STARD13: variants seen among roughly 807,000 people sequenced by gnomAD.
STARD13 encodes StAR related lipid transfer domain containing 13.
STARD13 carries 62 observed loss-of-function variants against 106.4 expected under a neutral mutation model. The ratio of observed to expected loss-of-function variants is 0.58; its 90% CI spans 0.48 to 0.72. The LOEUF (loss-of-function observed/expected upper bound fraction) is 0.72, where lower values mean the gene tolerates loss of function less well. Ranked by LOEUF, STARD13 falls within the 30% of genes least tolerant of loss-of-function variation. The pLI is 0.00. For missense variants in STARD13, 1,387 were observed against 1,424.0 expected (o/e 0.97, Z 0.42); for synonymous variants, 565 against 553.0 (o/e 1.02, Z -0.31).
chr13:33,222,720 T>C (rs1888423730), intron 1 of STARD13, among the ~76,000 whole-genome samples: 2 of 152,196 alleles, frequency 1.3e-5, no homozygotes, highest in African/African-American at 4.8e-5. Flanking sequence ...GAAGAAGAAA[T>C]AAGATAGCTA....
At chr13:33,350,298 C>G in exon 1 of STARD13, 2 of 1,531,528 alleles carry the variant, frequency 1.3e-6, no homozygotes, top group Non-Finnish European at 1.7e-6. Flanking sequence ...ACCTGCCAGC[C>G]GCCTCTCCCG....
chr13:33,298,866 A>G (rs1252469990), intron 1 of STARD13, among the ~76,000 whole-genome samples: 1 of 152,074 alleles, frequency 6.6e-6, no homozygotes, highest in East Asian at 1.9e-4. Context: ...GACGTAGGAA[A>G]CTCTCTTTAT....
At chr13:33,348,788 A>G (rs1261845241) in exon 2 of STARD13, 2 of 253,486 alleles carry the variant, frequency 7.9e-6, no homozygotes, top group Admixed American at 9.0e-5. Flanking sequence ...GGTTACCACA[A>G]TTTATTTCTG....
chr13:33,390,028 T>A, the STARD13 span, among the ~76,000 whole-genome samples: 1 of 152,086 alleles, frequency 6.6e-6, no homozygotes, highest in Non-Finnish European at 1.5e-5. Flanking sequence ...AATAGAGATA[T>A]GGAGGCCATT....
chr13:33,642,399 G>A, the STARD13 span, among the ~76,000 whole-genome samples: 1 of 152,328 alleles, frequency 6.6e-6, no homozygotes, highest in Non-Finnish European at 1.5e-5. Flanking sequence ...AAGTTGGTGG[G>A]CCTGGAGCAA....
the STARD13 span, among the ~76,000 whole-genome samples, chr13:33,447,003 T>G: frequency 6.6e-6 from 1 of 152,204 alleles, no homozygotes; most frequent in Non-Finnish European, 1.5e-5. Flanking sequence ...TGTGTATATT[T>G]TATACAGGAT....
the STARD13 span, among the ~76,000 whole-genome samples, chr13:33,659,522 G>A: frequency 3.3e-5 from 5 of 152,142 alleles, no homozygotes; most frequent in Non-Finnish European, 5.9e-5. Flanking sequence ...CCAACCTGTG[G>A]CTTTTGATTG....
upstream of STARD13, among the ~76,000 whole-genome samples, chr13:33,287,186 A>G (rs1263199394): frequency 1.3e-5 from 2 of 152,234 alleles, no homozygotes; most frequent in South Asian, 2.1e-4. Context: ...AAAGTTTAAC[A>G]GGATTTAAAT....
intron 8 of STARD13, among the ~76,000 whole-genome samples, chr13:33,116,896 A>G (rs1875450623): frequency 6.6e-6 from 1 of 152,190 alleles, no homozygotes; most frequent in Non-Finnish European, 1.5e-5. Flanking sequence ...TGGACTCCTT[A>G]AACACATTTT....
chr13:33,407,877 A>C, the STARD13 span, among the ~76,000 whole-genome samples: 4 of 152,226 alleles, frequency 2.6e-5, no homozygotes, highest in African/African-American at 4.8e-5. Context: ...ATGCCCCTTC[A>C]TGTTACCCCT....
At chr13:33,167,015 C>CAAAAAAAAAAAAAAAAAAAAAAA (rs1010175989) in intron 2 of STARD13, among the ~76,000 whole-genome samples, 1 of 139,248 alleles carries the variant, frequency 7.2e-6, no homozygotes, top group African/African-American at 2.8e-5. Context: ...AAAAAAAAAC[C>CAAAAAAAAAAAAAAAAAAAAAAA]AAAAAAAAAT....
At chr13:33,208,918 G>A (rs1887563805) in intron 1 of STARD13, among the ~76,000 whole-genome samples, 1 of 152,148 alleles carries the variant, frequency 6.6e-6, no homozygotes, top group Non-Finnish European at 1.5e-5. Flanking sequence ...CACCAATAGA[G>A]AACTTACAAA....
the STARD13 span, among the ~76,000 whole-genome samples, chr13:33,636,027 A>G: frequency 6.6e-6 from 1 of 151,696 alleles, no homozygotes; most frequent in Non-Finnish European, 1.5e-5. Flanking sequence ...CCGTAATCCC[A>G]GCTACTCGGG....
At chr13:33,412,218 A>G in the STARD13 span, among the ~76,000 whole-genome samples, 1 of 152,336 alleles carries the variant, frequency 6.6e-6, no homozygotes. Context: ...AAAGGGAAGT[A>G]CAGGAAGATA....
At chr13:33,542,587 G>A in the STARD13 span, among the ~76,000 whole-genome samples, 2 of 152,194 alleles carry the variant, frequency 1.3e-5, no homozygotes, top group Non-Finnish European at 2.9e-5. Flanking sequence ...AAGACGAGGC[G>A]CGCGCACCAG....
intron 1 of STARD13, among the ~76,000 whole-genome samples, chr13:33,249,772 T>G (rs1440706339): frequency 6.6e-6 from 1 of 152,060 alleles, no homozygotes; most frequent in Non-Finnish European, 1.5e-5. Context: ...ATACACCAAT[T>G]ATCTGTTATT....
rs35827468 is a variant in STARD13 at position 33,331,526 on chromosome 13, A to ATTTTTTTTT, written c.124+18755_124+18763dup. On this transcript the variant is annotated intron_variant, in intron 1 of 5. Transcript: ENST00000567873. Reference sequence around the variant, plus strand: ...CGCCACCATGCCTGGCTGATTTTGTATTTTTTTTTTTTTTTTTTTAGTAGA... The same window carrying ATTTTTTTTT: ...CGCCACCATGCCTGGCTGATTTTGTATTTTTTTTTTTTTTTTTTTTTTTTTTTTAGTAGA... Among the ~76,000 whole-genome samples, 6 of 130,824 alleles carry ATTTTTTTTT rather than the reference A, an allele frequency of 4.6e-5. 1 individual carries two copies. Among genetic ancestry groups the ATTTTTTTTT allele is most frequent in the African/African-American group, 8.5e-5 (3 of 35,406 alleles). 85.8% of individuals were successfully genotyped at this position (130,824 alleles called of 152,430 possible).
the STARD13 span, among the ~76,000 whole-genome samples, chr13:33,673,097 C>T: frequency 1.7e-3 from 260 of 152,316 alleles, 1 homozygote; most frequent in African/African-American, 6.0e-3. Flanking sequence ...ATGCTATCCA[C>T]GCATTTTATT....
At chr13:33,282,585 A>T (rs530788085) in intron 1 of STARD13, among the ~76,000 whole-genome samples, 2 of 152,338 alleles carry the variant, frequency 1.3e-5, no homozygotes, top group Admixed American at 1.3e-4. Flanking sequence ...CTTAAATCAA[A>T]TTAACATAAT....
Sources: gnomAD v4.1 joint callset for allele counts (sites outside exome capture counted in the v4.1 genomes callset) on GRCh38, gnomAD v4.1.1 for gene constraint, MANE v1.5 for transcripts, NCBI Gene and HGNC (gene_info 2026-07-23, HGNC 2026-07-21) for gene names.